Variants in VAT1L observed in about 807,000 individuals in gnomAD.
The protein encoded by VAT1L is putative NADPH-dependent quinone oxidoreductase VAT1L.
In VAT1L, 34 loss-of-function variants were observed where a neutral mutation model predicts 44.1. The observed-to-expected ratio is 0.77, with a 90% CI of 0.59 to 1.03. VAT1L has a LOEUF of 1.03. VAT1L is among the 50% of genes least tolerant of loss of function. The probability of loss-of-function intolerance (pLI) is 0.00; values close to 1 mark genes in which losing one functional copy is unlikely to be tolerated. For missense variants in VAT1L, 615 were observed against 538.8 expected, an observed-to-expected ratio of 1.14 and a Z score of -1.40; for synonymous variants, 253 against 202.2, an observed-to-expected ratio of 1.25 and a Z score of -2.13.
chr16:77,964,346 C>T (rs561825767), intron 7 of VAT1L, among the ~76,000 whole-genome samples: 22 of 152,306 alleles, frequency 1.4e-4, no homozygotes, highest in Non-Finnish European at 2.6e-4. Context: ...CTGCGTTCCT[C>T]GTGGAAGCCC....
chr16:77,829,218 A>C lies in VAT1L; in HGVS notation c.579+3757A>C, dbSNP rs370119691. On this transcript the variant is annotated intron_variant, in intron 3 of 8. Coordinates refer to ENST00000302536, the MANE Select transcript of VAT1L (RefSeq NM_020927.3). Reference sequence around the variant, plus strand: ...TCAACCTCTACCCAGTGCTCAGCATAGATGTTTTCAAGATCCAAAAGACGG... The same window carrying C: ...TCAACCTCTACCCAGTGCTCAGCATCGATGTTTTCAAGATCCAAAAGACGG... Among the ~76,000 whole-genome samples, 126 of 152,344 alleles carry C rather than the reference A, an allele frequency of 8.3e-4. 3 individuals are homozygous for C. In the South Asian group the frequency reaches 0.025, roughly 30 times the overall value.
chr16:77,946,279 C>CTTTT lies in VAT1L; in HGVS notation c.1078-25552_1078-25549dup, dbSNP rs66461822. Among the ~76,000 whole-genome samples, 294 of 70,362 alleles carry CTTTT rather than the reference C, an allele frequency of 4.2e-3. 72 individuals are homozygous for CTTTT. The highest frequency in any genetic ancestry group is 0.014 in the African/African-American group (272 of 18,854). The allele number at this position is 70,362 out of a possible 152,430, so 46.2% of individuals were successfully genotyped here. On this transcript the variant is annotated intron_variant, in intron 7 of 8. Transcript: ENST00000302536. ...GTTCTGGACATCTAGGTTACTTGTTCTTTTTTTTTTTTTTTTTTTTTTGAG... is the reference window on the plus strand; with the variant it reads ...GTTCTGGACATCTAGGTTACTTGTTCTTTTTTTTTTTTTTTTTTTTTTTTTTGAG...
In VAT1L at chr16:77,819,977, C is replaced by T. The variant is rs2016423660; in HGVS notation, c.363+2927C>T. 2.0e-5 allele frequency among the ~76,000 whole-genome samples: 3 copies of T among 152,250 alleles called. No individual in the cohort carries two copies. The South Asian group carries it at 6.2e-4, about 32-fold the overall frequency. On this transcript the variant is annotated intron_variant, in intron 2 of 8. Transcript: ENST00000302536. ...TTATGCCATTTAGTTTTCATAAAGA[C>T]CCTTTACTAATATTATACCCATTTC...
At chr16:77,826,356 T>G (rs2016523530) in intron 3 of VAT1L, among the ~76,000 whole-genome samples, 1 of 152,192 alleles carries the variant, frequency 6.6e-6, no homozygotes, top group Non-Finnish European at 1.5e-5. Context: ...GTGATTTAGT[T>G]TTTTCAATAA....
chr16:77,822,021 C>G (rs2016460954), intron 2 of VAT1L, among the ~76,000 whole-genome samples: 1 of 152,238 alleles, frequency 6.6e-6, no homozygotes, highest in Admixed American at 6.5e-5. Context: ...AAGGGAGACA[C>G]AGGCGTCAAT....
chr16:77,908,464 CAAAAAA>C (rs11418351), intron 7 of VAT1L, among the ~76,000 whole-genome samples: 82 of 39,374 alleles, frequency 2.1e-3, no homozygotes, highest in South Asian at 9.7e-3. Context: ...GGTTCTGTCT[CAAAAAA>C]AAAAAAAAAA....
intron 8 of VAT1L, among the ~76,000 whole-genome samples, chr16:77,974,248 T>C (rs2142547450): frequency 6.6e-6 from 1 of 152,308 alleles, no homozygotes; most frequent in African/African-American, 2.4e-5. Flanking sequence ...ATCCTGAGTC[T>C]CCTGTACACC....
chr16:77,953,309 C>T (rs780025739), intron 7 of VAT1L, among the ~76,000 whole-genome samples: 4 of 152,204 alleles, frequency 2.6e-5, no homozygotes, highest in Non-Finnish European at 5.9e-5. Context: ...GGTACTTAGA[C>T]AGCAACCCTA....
chr16:77,864,227 G>A (rs999172607), intron 4 of VAT1L, among the ~76,000 whole-genome samples: 7 of 152,190 alleles, frequency 4.6e-5, no homozygotes, highest in Admixed American at 2.0e-4. Flanking sequence ...CAGAGCCATT[G>A]TTTCGGCATT....
At chr16:77,966,357 G>A (rs1280924960) in intron 7 of VAT1L, among the ~76,000 whole-genome samples, 2 of 152,140 alleles carry the variant, frequency 1.3e-5, no homozygotes, top group African/African-American at 4.8e-5. Context: ...TGAGGGTGGA[G>A]GGCAAATACT....
chr16:77,969,016 C>G (rs1223994956), intron 7 of VAT1L, among the ~76,000 whole-genome samples: 1 of 151,952 alleles, frequency 6.6e-6, no homozygotes, highest in Admixed American at 6.6e-5. Context: ...ATGGGGTTTC[C>G]CCATGTTGGC....
At position 77,884,680 on chromosome 16, in the gene VAT1L, T is replaced by C. The variant is rs756628644; in HGVS notation, c.955T>C (p.Leu319=). ...CAAAGTCATCGCGGGGTTTTCCCTT[T>C]TAAATCTGCTCTTCAAACAAGGCCG... ...ENKVIAGFSL[L]NLLFKQGRAG... The change falls in exon 7 of 9, where the codon TTA becomes CTA. Residue 319 remains leucine (L), a synonymous_variant. Transcript: ENST00000302536. This position sits in a 1 kb window ranked among gnomAD's most constrained non-coding sequence, Gnocchi z 4.5. 7 of 1,613,014 alleles carry C rather than the reference T, an allele frequency of 4.3e-6. No individual in the cohort carries two copies. The East Asian group carries it at 1.6e-4, about 36-fold the overall frequency.
chr16:77,961,910 ATTG>A (rs1212766391), intron 7 of VAT1L, among the ~76,000 whole-genome samples: 8 of 152,110 alleles, frequency 5.3e-5, no homozygotes, highest in Admixed American at 2.0e-4. Flanking sequence ...AGATGTGAAT[ATTG>A]TTGTCATCAT....
At chr16:77,862,715 A>G (rs1597072317) in intron 3 of VAT1L, 33 bp from the exon 4 acceptor site, 2 of 1,602,228 alleles carry the variant, frequency 1.2e-6, no homozygotes, top group Non-Finnish European at 8.5e-7. Context: ...GGTGGCTCCT[A>G]TGTGTGACAT....
chr16:77,908,546 A>C (rs1240264687), intron 7 of VAT1L, among the ~76,000 whole-genome samples: 1 of 151,894 alleles, frequency 6.6e-6, no homozygotes, highest in Admixed American at 6.6e-5. Context: ...GTTCAGAAAA[A>C]GCCAAGAACA....
intron 4 of VAT1L, among the ~76,000 whole-genome samples, chr16:77,863,350 G>A (rs2016936339): frequency 6.6e-6 from 1 of 152,166 alleles, no homozygotes; most frequent in South Asian, 2.1e-4. Context: ...GAGGTTTTAT[G>A]GGCCAGTCCC....
At chr16:77,945,991 A>C (rs687176) in intron 7 of VAT1L, among the ~76,000 whole-genome samples, 1 of 151,890 alleles carries the variant, frequency 6.6e-6, no homozygotes, top group African/African-American at 2.4e-5. Context: ...TAGCAGAGAC[A>C]GGGTTTCACC....
chr16:77,895,830 GT>G (rs2017318187), intron 7 of VAT1L, among the ~76,000 whole-genome samples: 1 of 152,266 alleles, frequency 6.6e-6, no homozygotes, highest in Non-Finnish European at 1.5e-5. Flanking sequence ...ACAGTTGCAA[GT>G]GAGAAAGCCT....
chr16:77,903,236 C>T (rs1259696065), intron 7 of VAT1L, among the ~76,000 whole-genome samples: 1 of 152,156 alleles, frequency 6.6e-6, no homozygotes, highest in Non-Finnish European at 1.5e-5. Flanking sequence ...ACGATAGATA[C>T]AGCATATGAC....
Sources: allele counts gnomAD v4.1 joint callset (sites outside exome capture counted in the v4.1 genomes callset), GRCh38; gene constraint gnomAD v4.1.1; non-coding constraint Gnocchi (gnomAD v3.1); transcripts MANE v1.5; gene names NCBI Gene and HGNC (gene_info 2026-07-23, HGNC 2026-07-21).